Variants in KDM6B observed in about 807,000 individuals in gnomAD.
The protein encoded by KDM6B is lysine-specific demethylase 6B.
KDM6B carries 22 observed loss-of-function variants against 150.4 expected under a neutral mutation model. The observed-to-expected ratio is 0.15, with a 90% CI of 0.10 to 0.21. The LOEUF (loss-of-function observed/expected upper bound fraction) is 0.21, where lower values mean the gene tolerates loss of function less well. Among genes scored for constraint, KDM6B ranks in the 10% least tolerant of loss-of-function variants. KDM6B has a pLI of 1.00. For synonymous variants in KDM6B, 1,148 were observed against 921.1 expected, an observed-to-expected ratio of 1.25 and a Z score of -4.46; for missense variants, 1,984 against 2,234.3, an observed-to-expected ratio of 0.89 and a Z score of 2.26.
At position 7,847,786 on chromosome 17, in the gene KDM6B, A is replaced by C. The variant is rs535665513; in HGVS notation, c.1498A>C (p.Ile500Leu). The change falls in exon 12 of 24, where the codon ATC becomes CTC. Residue 500 changes from isoleucine (I) to leucine (L), a missense_variant. Physicochemically the swap from Ile to Leu is conservative, Grantham distance 5. Transcript: ENST00000448097. Reference protein sequence around the residue: ...ACRAAREDGEILEELFFGTEG... With the variant: ...ACRAAREDGELLEELFFGTEG... ...CCGGGCAGCCCGAGAGGATGGAGAG[A>C]TCTTAGAAGAGCTCTTCTTTGGGAC... 538 of 1,490,596 alleles carry C rather than the reference A, an allele frequency of 3.6e-4. 5 individuals are homozygous for C. Among genetic ancestry groups the C allele is most frequent in the South Asian group, 3.3e-3 (276 of 83,528 alleles). The allele number at this position is 1,490,596 out of a possible 1,614,324, so 92.3% of individuals were successfully genotyped here.
At chr17:7,839,718 C>T (rs2078386395) in intron 1 of KDM6B, among the ~76,000 whole-genome samples, 188 bp from the exon 2 acceptor site, 1 of 152,098 alleles carries the variant, frequency 6.6e-6, no homozygotes, top group Admixed American at 6.5e-5. Context: ...ACTGATCGAG[C>T]CTGCTTCCCA....
chr17:7,835,520 C>T lies in KDM6B; in HGVS notation c.-388+1170C>T, dbSNP rs114988416. On this transcript the variant is annotated intron_variant, in intron 1 of 23. Transcript: ENST00000448097. The stretch of plus-strand genomic sequence containing the variant: ...GGCTCCCCTTCCCTCCCCTGGGTTG[C>T]TTGTCCTGTTGCCAGAGTAACTGGA... 6.6e-3 allele frequency among the ~76,000 whole-genome samples: 998 copies of T among 152,130 alleles called. 8 individuals carry two copies. Among genetic ancestry groups the T allele is most frequent in the African/African-American group, 0.021 (864 of 41,520 alleles).
chr17:7,837,052 C>T (rs1386463024), intron 1 of KDM6B, among the ~76,000 whole-genome samples: 3 of 152,108 alleles, frequency 2.0e-5, no homozygotes, highest in Non-Finnish European at 2.9e-5. Flanking sequence ...GGGAGGGGCA[C>T]GGGTGTGGTG....
At chr17:7,835,085 C>T (rs2078306019) in intron 1 of KDM6B, among the ~76,000 whole-genome samples, 1 of 152,102 alleles carries the variant, frequency 6.6e-6, no homozygotes. Flanking sequence ...GCCCCCCGCC[C>T]CGGTCCGAGG....
Position 7,853,191 on chromosome 17 carries a change from A to G in KDM6B, c.4738-19A>G, listed in dbSNP as rs757981692. 6.2e-7 allele frequency: 1 copy of G among 1,613,588 alleles called. No individual in the cohort carries two copies. The highest frequency in any genetic ancestry group is 1.1e-5 in the South Asian group (1 of 90,992). ...AGTGGCCCTCCCTCCCCCTGACTGC[A>G]CTGTCCTCCCTGCCCCAGGTGGAGG... is the stretch of plus-strand genomic sequence containing the variant. On this transcript the variant is annotated intron_variant, in intron 22 of 23. Coordinates refer to ENST00000448097, the MANE Select transcript of KDM6B (RefSeq NM_001348716.2).
In KDM6B at chr17:7,851,635, T is replaced by A; in HGVS notation, c.4017-13T>A. ...GGCGGGGTGTAGCCTCTCGTCGCAC[T>A]TCCGCACCGCAGGTGGAAGCCCCAG... On this transcript the variant is annotated splice_polypyrimidine_tract_variant and intron_variant, in intron 17 of 23. Transcript: ENST00000448097. 1.3e-6 allele frequency: 2 copies of A among 1,596,440 alleles called. No individual in the cohort carries two copies. The highest frequency in any genetic ancestry group is 1.7e-6 in the Non-Finnish European group (2 of 1,171,206).
At chr17:7,849,989 G>T (rs773694416) in intron 13 of KDM6B, 42 bp downstream of exon 13, 32 of 1,613,552 alleles carry the variant, frequency 2.0e-5, no homozygotes, top group Non-Finnish European at 2.7e-5. Context: ...CTGCCAGAGG[G>T]TTCTAAGACA....
Position 7,849,405 on chromosome 17 carries a change from C to A in KDM6B, c.3117C>A (p.Gly1039=). ...GTGAGAAGTCCCGGCCCGATCTTGG[C>A]GGGGCCTCCAAGGCCAAGCCACCCA... is the stretch of plus-strand genomic sequence containing the variant. ...QGREKSRPDL[G]GASKAKPPTA... The change falls in exon 12 of 24, where the codon GGC becomes GGA. Residue 1039 remains glycine, a synonymous_variant. Transcript: ENST00000448097. The A allele has an allele frequency of 6.2e-7, 1 of 1,611,328 alleles. No individual in the cohort carries two copies. Among genetic ancestry groups the A allele is most frequent in the East Asian group, 2.2e-5 (1 of 44,744 alleles).
rs760155361 is a variant in KDM6B at position 7,850,125 on chromosome 17, C to T, written c.3621C>T (p.Asp1207=). ...FSPVLLQFCT[D]PRNPITVIRG... is the part of the protein sequence containing the mutation. Reference sequence around the variant, plus strand: ...CTGTCCTGCTGCAGTTCTGTACAGACCCTCGAAATCCCATCACAGTGATCC... The same window carrying T: ...CTGTCCTGCTGCAGTTCTGTACAGATCCTCGAAATCCCATCACAGTGATCC... The change falls in exon 14 of 24, where the codon GAC becomes GAT. Residue 1207 remains aspartate (D), a synonymous_variant. Coordinates refer to ENST00000448097, the MANE Select transcript of KDM6B (RefSeq NM_001348716.2). 1.3e-5 allele frequency: 21 copies of T among 1,613,734 alleles called. No individual in the cohort carries two copies. Among genetic ancestry groups the T allele is most frequent in the Non-Finnish European group, 1.7e-5 (20 of 1,180,014 alleles).
At position 7,852,045 on chromosome 17, in the gene KDM6B, C is replaced by T; in HGVS notation, c.4260C>T (p.Thr1420=). ...WFAVHEHYWE[T]ISAFCDRHGV... ...CGGTGCACGAGCACTACTGGGAGAC[C>T]ATCAGCGCTTTCTGTGATCGGTGCG... The change falls in exon 19 of 24, where the codon ACC becomes ACT. Residue 1420 remains threonine (T), a synonymous_variant. Coordinates refer to ENST00000448097, the MANE Select transcript of KDM6B (RefSeq NM_001348716.2). 1 of 1,614,078 alleles carries T rather than the reference C, an allele frequency of 6.2e-7. No homozygotes were observed. Among genetic ancestry groups the T allele is most frequent in the Non-Finnish European group, 8.5e-7 (1 of 1,180,020 alleles).
chr17:7,846,576 C>T lies in KDM6B; in HGVS notation c.550-3C>T, dbSNP rs201688307. ...ATTTTCTCTTCTCTCTTTTTGTTCT[C>T]AGCACAAACGGAACTATGGAGCCAA... On this transcript the variant is annotated splice_region_variant and splice_polypyrimidine_tract_variant and intron_variant, in intron 8 of 23. Coordinates refer to ENST00000448097, the MANE Select transcript of KDM6B (RefSeq NM_001348716.2). The T allele has an allele frequency of 6.2e-7, 1 of 1,614,060 alleles. No homozygotes were observed. The highest frequency in any genetic ancestry group is 1.3e-5 in the African/African-American group (1 of 75,028).
Position 7,852,980 on chromosome 17 carries a change from A to T in KDM6B, c.4611-20A>T. The T allele has an allele frequency of 6.2e-7, 1 of 1,613,572 alleles. No homozygotes were observed. Among genetic ancestry groups the T allele is most frequent in the South Asian group, 1.1e-5 (1 of 90,904 alleles). ...CCTCCTCCTTGCCGGTGGTCTCAAC[A>T]CAACCCCACTGCTCCCCAGGTTCTG... On this transcript the variant is annotated intron_variant, in intron 21 of 23. Transcript: ENST00000448097.
Position 7,848,705 on chromosome 17 carries a change from C to A in KDM6B, c.2417C>A (p.Ser806Tyr). ...PPPSPASLLK[S>Y]LASVLEGQKY... ...CCCAGCCCGGCCAGCCTGCTCAAAT[C>A]CTTGGCCTCCGTGCTGGAGGGACAA... The change falls in exon 12 of 24, where the codon TCC (serine) becomes TAC (tyrosine). Residue 806 changes from serine (S) to tyrosine (Y), a missense_variant. By Grantham distance (144) the Ser-to-Tyr change is moderately radical. Around this residue, in one of 13 missense-constraint regions of KDM6B, gnomAD observed 1,379 missense variants for 1,275.6 expected, o/e 1.08. Transcript: ENST00000448097. 1 of 1,612,978 alleles carries A rather than the reference C, an allele frequency of 6.2e-7. No individual in the cohort carries two copies. Among genetic ancestry groups the A allele is most frequent in the Admixed American group, 1.7e-5 (1 of 60,024 alleles).
In KDM6B at chr17:7,847,433, TGG is replaced by T. The variant is rs2078577187; in HGVS notation, c.1239_1240del (p.Glu414AlafsTer9). ...AGCAGCAACACTGGTCTCCGGGGCG[TGG>T]AGCCGAACCCAGGCATTGTGAGTGA... On this transcript the variant is annotated frameshift_variant, in exon 11 of 24. Transcript: ENST00000448097. LOFTEE classifies it high-confidence loss of function. 2 of 1,613,362 alleles carry T rather than the reference TGG, an allele frequency of 1.2e-6. No individual in the cohort carries two copies. Among genetic ancestry groups the T allele is most frequent in the African/African-American group, 2.7e-5 (2 of 74,840 alleles).
chr17:7,834,495 T>C (rs2078290923), intron 1 of KDM6B, among the ~76,000 whole-genome samples, 145 bp downstream of exon 1: 1 of 151,878 alleles, frequency 6.6e-6, no homozygotes, highest in African/African-American at 2.4e-5. Flanking sequence ...GGGGCGGAGG[T>C]CATGGGTCCC....
chr17:7,848,537 C>CCGT lies in KDM6B; in HGVS notation c.2251_2253dup (p.Val751dup). 6.2e-7 allele frequency: 1 copy of CCGT among 1,608,830 alleles called. No homozygotes were observed. Among genetic ancestry groups the CCGT allele is most frequent in the Non-Finnish European group, 8.5e-7 (1 of 1,178,984 alleles). ...CCCACCACTACTGCTCCTGCTGTCG[C>CCGT]CGTCACCACCACCACCACCACCACC... On this transcript the variant is annotated inframe_insertion, in exon 12 of 24. Coordinates refer to ENST00000448097, the MANE Select transcript of KDM6B (RefSeq NM_001348716.2).
rs546676341 is a variant in KDM6B, at chr17:7,847,744, T to C, written c.1456T>C (p.Leu486=). The change falls in exon 12 of 24, where the codon TTG becomes CTG. Residue 486 remains leucine, a synonymous_variant. Coordinates refer to ENST00000448097, the MANE Select transcript of KDM6B (RefSeq NM_001348716.2). ...LLRPPPPPAW[L]KGPACRAARE... is the part of the protein sequence containing the mutation. ...ACGCCCCCCACCACCCCCTGCCTGG[T>C]TGAAGGGTCCGGCCTGCCGGGCAGC... The C allele has an allele frequency of 8.6e-6, 11 of 1,283,142 alleles. No individual in the cohort carries two copies. In the South Asian group the frequency reaches 1.0e-4, roughly 12 times the overall value. 79.5% of individuals were successfully genotyped at this position (1,283,142 alleles called of 1,614,324 possible). A position where few individuals can be genotyped will look rare whatever the true frequency, so the allele number is the denominator to read the frequency against.
At position 7,848,911 on chromosome 17, in the gene KDM6B, G is replaced by T; in HGVS notation, c.2623G>T (p.Gly875Cys). ...ASSSSQFSTS[G>C]GPWARERRAG... ...CTCGTCATCTCAGTTCTCTACCTCA[G>T]GCGGGCCCTGGGCCCGGGAGCGCAG... The change falls in exon 12 of 24, where the codon GGC becomes TGC. Residue 875 changes from glycine (G) to cysteine (C), a missense_variant. Gly to Cys is a radical substitution (Grantham distance 159, BLOSUM62 -3). Around this residue, in one of 13 missense-constraint regions of KDM6B, gnomAD observed 1,379 missense variants for 1,275.6 expected, o/e 1.08. Coordinates refer to ENST00000448097, the MANE Select transcript of KDM6B (RefSeq NM_001348716.2). The T allele has an allele frequency of 6.2e-7, 1 of 1,603,514 alleles. No individual in the cohort carries two copies. Among genetic ancestry groups the T allele is most frequent in the Non-Finnish European group, 8.5e-7 (1 of 1,173,816 alleles).
chr17:7,853,156 G>GA (rs2078736430), intron 22 of KDM6B, 30 bp downstream of exon 22: 1 of 1,614,058 alleles, frequency 6.2e-7, no homozygotes, highest in Admixed American at 1.7e-5. Flanking sequence ...TGCTCTCCCT[G>GA]AGTGTCCACA....
Sources: gnomAD v4.1 joint callset for allele counts (sites outside exome capture counted in the v4.1 genomes callset) on GRCh38, gnomAD v4.1.1 for gene constraint, gnomAD v4.1.1 regional missense constraint, MANE v1.5 for transcripts, NCBI Gene and HGNC (gene_info 2026-07-23, HGNC 2026-07-21) for gene names.